The following CLCN7 variants were observed in gnomAD, a reference collection of about 807,000 sequenced individuals.
The protein encoded by CLCN7 is H(+)/Cl(-) exchange transporter 7.
Under a neutral mutation model 102.1 loss-of-function variants are expected in CLCN7, and 60 were observed. The ratio of observed to expected loss-of-function variants is 0.59; its 90% confidence interval spans 0.48 to 0.73. The LOEUF (loss-of-function observed/expected upper bound fraction) is 0.73. CLCN7 is among the 30% of genes least tolerant of loss of function. The pLI is 0.00. For synonymous variants in CLCN7, 560 were observed against 490.5 expected, an observed-to-expected ratio of 1.14 and a Z score of -1.87; for missense variants, 962 against 1,125.7, an observed-to-expected ratio of 0.85 and a Z score of 2.08.
In CLCN7 at chr16:1,460,957, C is replaced by T. The variant is rs775880356; in HGVS notation, c.352-9G>A. On this transcript the variant is annotated splice_polypyrimidine_tract_variant and intron_variant, in intron 4 of 24. Transcript: ENST00000382745. Reference sequence around the variant, plus strand: ...TCCACCGTCCGGAAGGCCTGCAGGGCGCGGTCAGGGCGAGGGTCAGGCAGG... The same window carrying T: ...TCCACCGTCCGGAAGGCCTGCAGGGTGCGGTCAGGGCGAGGGTCAGGCAGG... 7.4e-6 allele frequency: 12 copies of T among 1,612,356 alleles called. No homozygotes were observed. The highest frequency in any genetic ancestry group is 4.5e-5 in the East Asian group (2 of 44,876).
Position 1,459,373 on chromosome 16 carries a change from G to A in CLCN7, c.595-186C>T, listed in dbSNP as rs2038895190. The A allele has an allele frequency of 5.6e-6, 3 of 534,042 alleles. 1 individual carries two copies. Among genetic ancestry groups the A allele is most frequent in the South Asian group, 4.3e-5 (2 of 46,396 alleles). The allele number at this position is 534,042 out of a possible 1,614,324, so 33.1% of individuals were successfully genotyped here. A position where few individuals can be genotyped will look rare whatever the true frequency, so the allele number is the denominator to read the frequency against. ...GAGCAGCACACACGTCAGGGCCCCA[G>A]GGAAGGGGAGAGCAGCGCACACGTC... On this transcript the variant is annotated intron_variant, in intron 6 of 24. Coordinates refer to ENST00000382745, the MANE Select transcript of CLCN7 (RefSeq NM_001287.6).
intron 17 of CLCN7, 118 bp downstream of exon 17, chr16:1,450,379 G>A (rs1299282407): frequency 2.8e-5 from 31 of 1,099,166 alleles, no homozygotes; most frequent in African/African-American, 6.2e-5. Context: ...CCCACGGCCC[G>A]TGAACCACGT....
rs540572634 is a variant in CLCN7, at chr16:1,456,385, A to G, written c.823-179T>C. On this transcript the variant is annotated intron_variant, in intron 9 of 24. Coordinates refer to ENST00000382745, the MANE Select transcript of CLCN7 (RefSeq NM_001287.6). ...GACCACGGCAAGAGACAGCAGGGTC[A>G]GCACCACCACCGGCAGCCCAGGGAA... is the stretch of plus-strand genomic sequence containing the variant. 6.8e-4 allele frequency among the ~76,000 whole-genome samples: 103 copies of G among 152,314 alleles called. 1 individual carries two copies. Among genetic ancestry groups the G allele is most frequent in the African/African-American group, 2.3e-3 (96 of 41,582 alleles).
At position 1,446,650 on chromosome 16, in the gene CLCN7, A is replaced by T; in HGVS notation, c.2399T>A (p.Leu800His). The part of the protein sequence containing the change: ...YRLGKRGLEE[L>H]SLAQT The stretch of plus-strand genomic sequence containing the variant: ...TGGGCCTCACGTCTGGGCCAGCGAG[A>T]GCTCCTCCAAGCCTCTCTTTCCCAG... Residue 800 changes from leucine (L) to histidine (H), a missense_variant, in exon 25 of 25, where the codon CTC (leucine) becomes CAC (histidine). Leu to His is a moderately conservative substitution (Grantham distance 99). Around this residue, in one of 2 missense-constraint regions of CLCN7, gnomAD observed 799 missense variants for 988.0 expected, o/e 0.81. Transcript: ENST00000382745. 6.4e-7 allele frequency: 1 copy of T among 1,572,666 alleles called. No homozygotes were observed. Among genetic ancestry groups the T allele is most frequent in the Non-Finnish European group, 8.6e-7 (1 of 1,159,250 alleles).
At chr16:1,470,855 G>C (rs2039068619) in intron 1 of CLCN7, among the ~76,000 whole-genome samples, 1 of 152,188 alleles carries the variant, frequency 6.6e-6, no homozygotes, top group South Asian at 2.1e-4. Context: ...CCCCTGCCCT[G>C]CCAAGGTCTT....
At position 1,453,891 on chromosome 16, in the gene CLCN7, C is replaced by A. The variant is rs1242987187; in HGVS notation, c.1157G>T (p.Gly386Val). The A allele has an allele frequency of 1.2e-6, 2 of 1,613,076 alleles. No individual in the cohort carries two copies. The highest frequency in any genetic ancestry group is 1.3e-5 in the African/African-American group (1 of 74,956). Residue 386 changes from glycine (G) to valine (V), a missense_variant, in exon 14 of 25, where the codon GGT (glycine) becomes GTT (valine). Physicochemically the swap from Gly to Val is moderately radical, Grantham distance 109 (BLOSUM62 -3). Coordinates refer to ENST00000382745, the MANE Select transcript of CLCN7 (RefSeq NM_001287.6). ...PVFIAMGVVG[G>V]VLGAVFNALN... ...GGCATTGAACACTGCTCCAAGCACA[C>A]CGCCTGCGAACAGGGGAAAGGCCAG...
intron 13 of CLCN7, 43 bp from the exon 14 acceptor site, chr16:1,453,937 G>C (rs1220282904): frequency 6.2e-7 from 1 of 1,602,074 alleles, no homozygotes; most frequent in African/African-American, 1.3e-5. Flanking sequence ...CGGAGGAAAA[G>C]TGCGGGCCTC....
intron 14 of CLCN7, among the ~76,000 whole-genome samples, chr16:1,453,127 C>T (rs2038780168): frequency 6.6e-6 from 1 of 152,194 alleles, no homozygotes; most frequent in Non-Finnish European, 1.5e-5. Flanking sequence ...CTTGCCTCAG[C>T]CTCCCGAGTA....
intron 12 of CLCN7, 24 bp downstream of exon 12, chr16:1,455,110 G>T: frequency 7.5e-7 from 1 of 1,336,328 alleles, no homozygotes; most frequent in Non-Finnish European, 1.1e-6. Flanking sequence ...CGAGGTGGGC[G>T]AGGTGGGCGA....
At chr16:1,447,760 G>A (rs952917793) in intron 21 of CLCN7, 46 bp from the exon 22 acceptor site, 5 of 1,538,680 alleles carry the variant, frequency 3.2e-6, no homozygotes, top group South Asian at 1.2e-5. Context: ...GAGGGTGGGA[G>A]GCTGCGCTGG....
At position 1,461,654 on chromosome 16, in the gene CLCN7, G is replaced by C; in HGVS notation, c.234C>G (p.Pro78=). The change falls in exon 3 of 25, where the codon CCC becomes CCG. Residue 78 remains proline (P), a synonymous_variant. Coordinates refer to ENST00000382745, the MANE Select transcript of CLCN7 (RefSeq NM_001287.6). ...LLDPDMDPPH[P]FPKEIPHNEK... is the part of the protein sequence containing the mutation. ...CGTTGTGTGGGATCTCCTTGGGGAA[G>C]GGATGTGGAGGGTCCATATCCTGTG... 6.2e-7 allele frequency: 1 copy of C among 1,614,114 alleles called. No homozygotes were observed. Among genetic ancestry groups the C allele is most frequent in the Admixed American group, 1.7e-5 (1 of 60,024 alleles).
Position 1,461,596 on chromosome 16 carries a change from C to T in CLCN7, c.285+7G>A, listed in dbSNP as rs372024516. On this transcript the variant is annotated splice_region_variant and intron_variant, in intron 3 of 24. Coordinates refer to ENST00000382745, the MANE Select transcript of CLCN7 (RefSeq NM_001287.6). The stretch of plus-strand genomic sequence containing the variant: ...TCTCAGGGTCAGGGGGACAGAAGGA[C>T]GCCCACCTCATACTTGAGGGACAGG... 77 of 1,613,620 alleles carry T rather than the reference C, an allele frequency of 4.8e-5. No homozygotes were observed. Among genetic ancestry groups the T allele is most frequent in the South Asian group, 6.6e-5 (6 of 91,040 alleles).
Position 1,452,764 on chromosome 16 carries a change from G to T in CLCN7, c.1344C>A (p.Tyr448Ter). The change falls in exon 15 of 25, where the codon TAC (tyrosine) becomes TAA (stop). Residue 448 changes from tyrosine (Y) to a stop codon, truncating the protein, a stop_gained. Transcript: ENST00000382745. LOFTEE classifies it high-confidence loss of function. ...CQPLQGGSMS[Y>*]PLQLFCADGE... Reference sequence around the variant, plus strand: ...GGGCCCAGCCTCCCACCTGCAGCGGGTAGGACATGGAGCCCCCCTGCAGGG... The same window carrying T: ...GGGCCCAGCCTCCCACCTGCAGCGGTTAGGACATGGAGCCCCCCTGCAGGG... 6.2e-7 allele frequency: 1 copy of T among 1,601,512 alleles called. No homozygotes were observed. Among genetic ancestry groups the T allele is most frequent in the East Asian group, 2.3e-5 (1 of 44,164 alleles).
At position 1,457,877 on chromosome 16, in the gene CLCN7, G is replaced by A. The variant is rs1167176722; in HGVS notation, c.676-121C>T. On this transcript the variant is annotated intron_variant, in intron 7 of 24. Coordinates refer to ENST00000382745, the MANE Select transcript of CLCN7 (RefSeq NM_001287.6). This position sits in a 1 kb window ranked among gnomAD's most constrained non-coding sequence, Gnocchi z 5.4. Reference sequence around the variant, plus strand: ...AGTGGCTGGGACACGGGGCCTCCGGGAGGGGGCCAGCACCCCCAGGCTGGG... The same window carrying A: ...AGTGGCTGGGACACGGGGCCTCCGGAAGGGGGCCAGCACCCCCAGGCTGGG... 3 of 955,318 alleles carry A rather than the reference G, an allele frequency of 3.1e-6. No homozygotes were observed. In the African/African-American group the frequency reaches 4.8e-5, roughly 15 times the overall value. The allele number at this position is 955,318 out of a possible 1,614,324, so 59.2% of individuals were successfully genotyped here. A position where few individuals can be genotyped will look rare whatever the true frequency, so the allele number is the denominator to read the frequency against.
rs542865583 is a variant in CLCN7 at position 1,446,111 on chromosome 16, C to T, written c.*520G>A. 2.2e-5 allele frequency: 13 copies of T among 597,020 alleles called. No homozygotes were observed. The highest frequency in any genetic ancestry group is 1.2e-4 in the Admixed American group (4 of 33,312). 37.0% of individuals were successfully genotyped at this position (597,020 alleles called of 1,614,324 possible). The stretch of plus-strand genomic sequence containing the variant: ...TCGCAGCCTCCAAACCCTGGTGCTA[C>T]GAGTCCGTGCCTCAGGCCCAGGGAC... On this transcript the variant is annotated 3_prime_UTR_variant, in exon 25 of 25. Transcript: ENST00000382745.
At chr16:1,455,917 C>T (rs987086117) in intron 10 of CLCN7, 122 bp from the exon 11 acceptor site, 2 of 1,169,476 alleles carry the variant, frequency 1.7e-6, no homozygotes, top group Admixed American at 1.9e-5. Context: ...TGGGGTGGGC[C>T]CCAGCCACAC....
intron 9 of CLCN7, among the ~76,000 whole-genome samples, chr16:1,456,556 A>G (rs1367736976): frequency 6.6e-6 from 1 of 152,124 alleles, no homozygotes; most frequent in Admixed American, 6.5e-5. Flanking sequence ...AAATTCACAC[A>G]TGGCCGGCGC....
At chr16:1,452,358 C>T (rs959486408) in intron 15 of CLCN7, 8 of 269,582 alleles carry the variant, frequency 3.0e-5, no homozygotes, top group East Asian at 1.8e-4. Flanking sequence ...CCAGGGCAAC[C>T]GTGTCACAGT....
Position 1,457,355 on chromosome 16 carries a change from C to A in CLCN7, c.739-18G>T, listed in dbSNP as rs371893553. On this transcript the variant is annotated intron_variant, in intron 8 of 24. Coordinates refer to ENST00000382745, the MANE Select transcript of CLCN7 (RefSeq NM_001287.6). This position sits in a 1 kb window ranked among gnomAD's most constrained non-coding sequence, Gnocchi z 5.4. ...GGCCCTTCCTGGAGACCAGAAGGAC[C>A]GGTGCTCAGAGACACGCGTGACGCG... 2 of 1,610,182 alleles carry A rather than the reference C, an allele frequency of 1.2e-6. No individual in the cohort carries two copies. The highest frequency in any genetic ancestry group is 2.7e-5 in the African/African-American group (2 of 74,830).
Sources: allele counts gnomAD v4.1 joint callset (sites outside exome capture counted in the v4.1 genomes callset), GRCh38; gene constraint gnomAD v4.1.1; regional missense constraint gnomAD v4.1.1; non-coding constraint Gnocchi (gnomAD v3.1); transcripts MANE v1.5; gene names NCBI Gene and HGNC (gene_info 2026-07-23, HGNC 2026-07-21).